PRELID2: variants seen among roughly 807,000 people sequenced by gnomAD.
PRELID2 encodes the protein PRELI domain containing 2, also known as PRELI domain-containing protein 2.
PRELID2 carries 25 observed loss-of-function variants against 28.4 expected under a neutral mutation model. That is an observed-to-expected ratio of 0.88 (90% CI 0.64 to 1.23). The LOEUF is 1.23. Among genes scored for constraint, PRELID2 ranks in the 50% most tolerant of loss-of-function variants. PRELID2 has a pLI of 0.00. For synonymous variants in PRELID2, 76 were observed against 71.6 expected, an observed-to-expected ratio of 1.06 and a Z score of -0.31; for missense variants, 201 against 214.4, an observed-to-expected ratio of 0.94 and a Z score of 0.39.
chr5:145,477,061 G>T (rs377526939), intron 1 of PRELID2, among the ~76,000 whole-genome samples: 112 of 152,234 alleles, frequency 7.4e-4, no homozygotes, highest in African/African-American at 2.6e-3. Flanking sequence ...TGTTTCAGTT[G>T]ACAATAATCT....
At chr5:145,491,584 GAATAT>G (rs138326828) in intron 1 of PRELID2, among the ~76,000 whole-genome samples, 34,576 of 151,690 alleles carry the variant, frequency 0.23, 4,067 homozygotes, top group South Asian at 0.36. Context: ...TGCTTTTCAA[GAATAT>G]AATATATACA....
the PRELID2 span, among the ~76,000 whole-genome samples, chr5:145,434,645 A>G: frequency 6.6e-6 from 1 of 152,196 alleles, no homozygotes; most frequent in Non-Finnish European, 1.5e-5. Context: ...CATGGCCATG[A>G]CACTGGCTTC....
chr5:145,400,243 A>G, the PRELID2 span, among the ~76,000 whole-genome samples: 1 of 152,136 alleles, frequency 6.6e-6, no homozygotes, highest in African/African-American at 2.4e-5. Context: ...AAAATAATAT[A>G]AAATAAATCC....
At chr5:145,382,751 A>G in the PRELID2 span, among the ~76,000 whole-genome samples, 1 of 152,002 alleles carries the variant, frequency 6.6e-6, no homozygotes. Context: ...GTGGCAACAC[A>G]TTCCCTTAGC....
At chr5:145,628,855 C>T (rs1753893052) in intron 1 of PRELID2, among the ~76,000 whole-genome samples, 1 of 152,122 alleles carries the variant, frequency 6.6e-6, no homozygotes, top group South Asian at 2.1e-4. Flanking sequence ...TCCACCACAG[C>T]CCACGTGGAA....
chr5:145,288,234 T>C, the PRELID2 span, among the ~76,000 whole-genome samples: 2 of 152,144 alleles, frequency 1.3e-5, no homozygotes, highest in African/African-American at 4.8e-5. Flanking sequence ...TGGGAGAGAT[T>C]TGTGGATTCA....
At chr5:145,789,456 A>C (rs1318567448) in intron 5 of PRELID2, among the ~76,000 whole-genome samples, 1 of 152,192 alleles carries the variant, frequency 6.6e-6, no homozygotes, top group East Asian at 1.9e-4. Context: ...ATAGAATAAT[A>C]AAATTGGACC....
intron 5 of PRELID2, among the ~76,000 whole-genome samples, chr5:145,780,278 A>G (rs1473428430): frequency 6.6e-6 from 1 of 152,256 alleles, no homozygotes; most frequent in Non-Finnish European, 1.5e-5. Flanking sequence ...CAGCTGGGCA[A>G]CAAAGTGAGA....
At chr5:145,432,986 C>T in the PRELID2 span, among the ~76,000 whole-genome samples, 33 of 152,100 alleles carry the variant, frequency 2.2e-4, no homozygotes, top group South Asian at 8.3e-4. Context: ...AATAAAGGGA[C>T]GAGAAGGGTC....
chr5:145,779,390 A>G (rs551854174), intron 5 of PRELID2, among the ~76,000 whole-genome samples: 43 of 152,168 alleles, frequency 2.8e-4, no homozygotes, highest in Non-Finnish European at 5.1e-4. Flanking sequence ...ACATGGTGTC[A>G]TTTATAATGG....
intron 1 of PRELID2, among the ~76,000 whole-genome samples, chr5:145,650,548 A>G (rs1754276034): frequency 1.6e-5 from 2 of 121,644 alleles, no homozygotes; most frequent in Non-Finnish European, 1.7e-5. Context: ...ATATATATAT[A>G]TATATATATA....
chr5:145,809,704 G>C (rs886701587), intron 4 of PRELID2, among the ~76,000 whole-genome samples: 1 of 152,232 alleles, frequency 6.6e-6, no homozygotes, highest in Non-Finnish European at 1.5e-5. Context: ...GAATAATCTT[G>C]TTACTCAAAT....
At chr5:145,449,216 T>C in the PRELID2 span, among the ~76,000 whole-genome samples, 2 of 152,246 alleles carry the variant, frequency 1.3e-5, no homozygotes, top group Non-Finnish European at 2.9e-5. Flanking sequence ...TAGCACATGT[T>C]CATTCTAATG....
chr5:145,343,879 A>C, the PRELID2 span, among the ~76,000 whole-genome samples: 1 of 151,914 alleles, frequency 6.6e-6, no homozygotes, highest in African/African-American at 2.4e-5. Flanking sequence ...AGACTATTAT[A>C]AACAGATATA....
chr5:145,553,191 C>G (rs997968523), intron 1 of PRELID2, among the ~76,000 whole-genome samples: 12 of 141,602 alleles, frequency 8.5e-5, no homozygotes, highest in African/African-American at 3.0e-4. Context: ...GACCCCCCCC[C>G]CCAAAAAAAA....
chr5:145,522,874 AGAG>A (rs1752575616), intron 1 of PRELID2, among the ~76,000 whole-genome samples: 1 of 152,076 alleles, frequency 6.6e-6, no homozygotes, highest in African/African-American at 2.4e-5. Context: ...AAGAAAAACA[AGAG>A]GAGAGAAAAG....
intron 1 of PRELID2, among the ~76,000 whole-genome samples, chr5:145,604,372 C>A (rs778871365): frequency 6.6e-6 from 1 of 151,982 alleles, no homozygotes; most frequent in African/African-American, 2.4e-5. Context: ...TGCACTAGTT[C>A]GCTTAGGATA....
the PRELID2 span, among the ~76,000 whole-genome samples, chr5:145,458,917 G>T: frequency 6.6e-6 from 1 of 152,104 alleles, no homozygotes; most frequent in Non-Finnish European, 1.5e-5. Flanking sequence ...CTTAGAAACG[G>T]GTTGAAAAAT....
chr5:145,795,833 T>C (rs182572435), intron 5 of PRELID2: 1 of 152,248 alleles, frequency 6.6e-6, no homozygotes, highest in East Asian at 1.9e-4. Context: ...TGGAATACCA[T>C]AGAGGACAGA....
Sources: gnomAD v4.1 joint callset for allele counts (sites outside exome capture counted in the v4.1 genomes callset) on GRCh38, gnomAD v4.1.1 for gene constraint, MANE v1.5 for transcripts, NCBI Gene and HGNC (gene_info 2026-07-23, HGNC 2026-07-21) for gene names.